PSD: variants seen among roughly 807,000 people sequenced by gnomAD.
PSD encodes PH and SEC7 domain-containing protein 1.
Under a neutral mutation model 91.6 loss-of-function variants are expected in PSD, and 32 were observed. That is an observed-to-expected ratio of 0.35 (90% CI 0.26 to 0.47). PSD has a LOEUF of 0.47. Ranked by LOEUF, PSD falls within the 20% of genes least tolerant of loss-of-function variation. The pLI, the probability that PSD is intolerant of heterozygous loss-of-function variation, is 1.00. For synonymous variants in PSD, 532 were observed against 569.3 expected, an observed-to-expected ratio of 0.93 and a Z score of 0.93; for missense variants, 1,099 against 1,373.9, an observed-to-expected ratio of 0.80 and a Z score of 3.16.
rs1348883108 is a variant in PSD, at chr10:102,405,238, C to T, written c.2342G>A (p.Arg781Gln). 4 of 1,610,824 alleles carry T rather than the reference C, an allele frequency of 2.5e-6. No homozygotes were observed. Among genetic ancestry groups the T allele is most frequent in the Admixed American group, 1.7e-5 (1 of 60,014 alleles). The change falls in exon 13 of 17, where the codon CGG (arginine) becomes CAG (glutamine). Residue 781 changes from arginine to glutamine, a missense_variant. This residue lies in a region of PSD where 358 missense variants were observed against 426.5 expected (regional missense o/e 0.84). Transcript: ENST00000020673. This position sits in a 1 kb window ranked among gnomAD's most constrained non-coding sequence, Gnocchi z 5.4. ...GATCCCGTGGAAGCTCTTCCAGCCC[C>T]GCTTGCCCCGAGGTGCTGCGGGGAG... ...PDCRKTPRGK[R>Q]GWKSFHGILK...
Position 102,403,374 on chromosome 10 carries a change from A to G in PSD, c.2901T>C (p.Ser967=), listed in dbSNP as rs1325589252. ...CTGCCTCCACTGCATCCAGCTCCTC[A>G]CTGCCTGCCTTCAGCTTGACCCGAA... is the stretch of plus-strand genomic sequence containing the variant. The part of the protein sequence containing the change: ...ALLRVKLKAG[S]EELDAVEAAL... The change falls in exon 17 of 17, where the codon AGT becomes AGC. Residue 967 remains serine (S), a synonymous_variant. Transcript: ENST00000020673. The surrounding 1 kb of genome is among the most constrained non-coding windows in gnomAD (Gnocchi z 6.7). 6 of 1,613,836 alleles carry G rather than the reference A, an allele frequency of 3.7e-6. No individual in the cohort carries two copies. Among genetic ancestry groups the G allele is most frequent in the Non-Finnish European group, 5.1e-6 (6 of 1,179,998 alleles).
In PSD at chr10:102,403,038, G is replaced by T; in HGVS notation, c.*162C>A. On this transcript the variant is annotated 3_prime_UTR_variant, in exon 17 of 17. Transcript: ENST00000020673. This position sits in a 1 kb window ranked among gnomAD's most constrained non-coding sequence, Gnocchi z 6.7. ...GGAGGTGCCCCTAGCCTAGGCTCCT[G>T]AGGCCCAGGCCCCAGCCCTGCCCTG... 2.7e-6 allele frequency: 1 copy of T among 365,430 alleles called. No individual in the cohort carries two copies. Among genetic ancestry groups the T allele is most frequent in the Non-Finnish European group, 4.6e-6 (1 of 218,238 alleles). The allele number at this position is 365,430 out of a possible 1,614,324, so 22.6% of individuals were successfully genotyped here.
Position 102,403,403 on chromosome 10 carries a change from G to C in PSD, c.2872C>G (p.Leu958Val), listed in dbSNP as rs1458850612. The C allele has an allele frequency of 6.2e-7, 1 of 1,612,700 alleles. No individual in the cohort carries two copies. The highest frequency in any genetic ancestry group is 2.2e-5 in the East Asian group (1 of 44,840). The change falls in exon 17 of 17, where the codon CTG (leucine) becomes GTG (valine). Residue 958 changes from leucine to valine, a missense_variant. Around this residue, in one of 3 missense-constraint regions of PSD, gnomAD observed 358 missense variants for 426.5 expected, o/e 0.84. Transcript: ENST00000020673. The surrounding 1 kb of genome is among the most constrained non-coding windows in gnomAD (Gnocchi z 6.7). ...CCTGCCTTCAGCTTGACCCGAAGCA[G>C]CGCTGCATAGGTGCTGTAGCGGGAT... The part of the protein sequence containing the change: ...EKSRYSTYAA[L>V]LRVKLKAGSE...
Position 102,416,345 on chromosome 10 carries a change from C to T in PSD, c.654+40G>A. The T allele has an allele frequency of 2.6e-6, 4 of 1,567,192 alleles. No individual in the cohort carries two copies. Among genetic ancestry groups the T allele is most frequent in the Non-Finnish European group, 3.5e-6 (4 of 1,155,538 alleles). On this transcript the variant is annotated intron_variant, in intron 2 of 16. Coordinates refer to ENST00000020673, the MANE Select transcript of PSD (RefSeq NM_002779.5). The surrounding 1 kb of genome is among the most constrained non-coding windows in gnomAD (Gnocchi z 6.0). ...TCTGACAGGAGGCTGAGCCTTGCCC[C>T]TTCACTGGGGGCCCAGGGAGCCCAG... is the stretch of plus-strand genomic sequence containing the variant.
upstream of PSD, chr10:102,419,663 A>G: frequency 6.4e-6 from 1 of 156,826 alleles, no homozygotes; most frequent in South Asian, 1.5e-4. This position sits in a 1 kb window ranked among gnomAD's most constrained non-coding sequence, Gnocchi z 4.8. Flanking sequence ...CACCGCGGGG[A>G]GGGGCGGCGC....
At position 102,414,050 on chromosome 10, in the gene PSD, G is replaced by T. The variant is rs147580653; in HGVS notation, c.1272C>A (p.Ala424=). The part of the protein sequence containing the change: ...RAKGTSYTSL[A]SLEALASPGP... ...CAGGTGAGGCCAAGGCCTCCAGCGA[G>T]GCGAGGCTGGTATAGGAGGTGCCTT... The change falls in exon 5 of 17, where the codon GCC becomes GCA. Residue 424 remains alanine (A), a synonymous_variant. Transcript: ENST00000020673. This position sits in a 1 kb window ranked among gnomAD's most constrained non-coding sequence, Gnocchi z 5.6. The T allele has an allele frequency of 1.2e-5, 20 of 1,614,004 alleles. No homozygotes were observed. The highest frequency in any genetic ancestry group is 3.3e-4 in the Middle Eastern group (2 of 6,084).
At position 102,416,893 on chromosome 10, in the gene PSD, C is replaced by G; in HGVS notation, c.146G>C (p.Arg49Pro). The change falls in exon 2 of 17, where the codon CGA becomes CCA. Residue 49 changes from arginine (R) to proline (P), a missense_variant. By Grantham distance (103) the Arg-to-Pro change is moderately radical (BLOSUM62 -2). Around this residue, in one of 3 missense-constraint regions of PSD, gnomAD observed 631 missense variants for 728.8 expected, o/e 0.87. Transcript: ENST00000020673. The surrounding 1 kb of genome is among the most constrained non-coding windows in gnomAD (Gnocchi z 6.0). ...GCCTCGAGGACCTGGACCTGCCACT[C>G]GCCGTAGCAAGGAGCCTGTGCTGCC... ...MYGSTGSLLR[R>P]VAGPGPRGRE... is the part of the protein sequence containing the mutation. The G allele has an allele frequency of 6.2e-7, 1 of 1,607,256 alleles. No homozygotes were observed. Among genetic ancestry groups the G allele is most frequent in the Non-Finnish European group, 8.5e-7 (1 of 1,177,916 alleles).
intron 3 of PSD, among the ~76,000 whole-genome samples, chr10:102,415,686 T>C (rs2061470869): frequency 1.3e-5 from 2 of 152,204 alleles, no homozygotes; most frequent in South Asian, 2.1e-4. Flanking sequence ...GGTCTTGGAC[T>C]CCTGGCTTTG....
At chr10:102,406,149 A>C in intron 11 of PSD, 1 of 152,010 alleles carries the variant, frequency 6.6e-6, no homozygotes, top group Non-Finnish European at 1.5e-5. Context: ...CCCACCCCAT[A>C]CTCATTTCAG....
chr10:102,416,198 A>G lies in PSD; in HGVS notation c.655-79T>C, dbSNP rs116752175. 671 of 1,270,038 alleles carry G rather than the reference A, an allele frequency of 5.3e-4. 1 individual carries two copies. The highest frequency in any genetic ancestry group is 4.8e-3 in the African/African-American group (322 of 67,218). The allele number at this position is 1,270,038 out of a possible 1,614,324, so 78.7% of individuals were successfully genotyped here. On this transcript the variant is annotated intron_variant, in intron 2 of 16. Transcript: ENST00000020673. This position sits in a 1 kb window ranked among gnomAD's most constrained non-coding sequence, Gnocchi z 6.0. ...ACACAAGAATATGGGACAGAAACAG[A>G]AATTAAAACATGCATCGACAGAGAT... is the stretch of plus-strand genomic sequence containing the variant.
Position 102,403,274 on chromosome 10 carries a change from A to C in PSD, c.3001T>G (p.Ser1001Ala). 6.2e-7 allele frequency: 1 copy of C among 1,612,300 alleles called. No homozygotes were observed. The highest frequency in any genetic ancestry group is 8.5e-7 in the Non-Finnish European group (1 of 1,178,978). Residue 1001 changes from serine to alanine, a missense_variant, in exon 17 of 17, where the codon TCC becomes GCC. Around this residue, in one of 3 missense-constraint regions of PSD, gnomAD observed 358 missense variants for 426.5 expected, o/e 0.84. Transcript: ENST00000020673. The surrounding 1 kb of genome is among the most constrained non-coding windows in gnomAD (Gnocchi z 6.7). ...HSSPSLQPKP[S>A]SQPRAQRHSS... The stretch of plus-strand genomic sequence containing the variant: ...TGACGCTGAGCCCGGGGCTGGCTGG[A>C]GGGTTTGGGCTGCAGGGAGGGACTG...
In PSD at chr10:102,403,919, C is replaced by T; in HGVS notation, c.2767G>A (p.Ala923Thr). 6.3e-7 allele frequency: 1 copy of T among 1,593,242 alleles called. No individual in the cohort carries two copies. Among genetic ancestry groups the T allele is most frequent in the Non-Finnish European group, 8.5e-7 (1 of 1,169,854 alleles). ...AMASELREHR[A>T]AQLGKKGRGK... ...CGGCCCTTCTTGCCCAGCTGGGCGG[C>T]CCGGTGCTCCCGCAGCTCACTTGCC... Residue 923 changes from alanine (A) to threonine (T), a missense_variant, in exon 16 of 17, where the codon GCC (alanine) becomes ACC (threonine). Ala to Thr is a moderately conservative substitution (Grantham distance 58). This residue lies in a region of PSD where 358 missense variants were observed against 426.5 expected (regional missense o/e 0.84). Coordinates refer to ENST00000020673, the MANE Select transcript of PSD (RefSeq NM_002779.5). The surrounding 1 kb of genome is among the most constrained non-coding windows in gnomAD (Gnocchi z 6.7).
rs558666763 is a variant in PSD at position 102,403,068 on chromosome 10, G to A, written c.*132C>T. ...CCAGGCCCCAGCCCTGCCCTGCCCCGGACACCGCGTCCGGCGCGGTCGGGC... is the reference window on the plus strand; with the variant it reads ...CCAGGCCCCAGCCCTGCCCTGCCCCAGACACCGCGTCCGGCGCGGTCGGGC... On this transcript the variant is annotated 3_prime_UTR_variant, in exon 17 of 17. Transcript: ENST00000020673. This position sits in a 1 kb window ranked among gnomAD's most constrained non-coding sequence, Gnocchi z 6.7. The A allele has an allele frequency of 8.4e-5, 46 of 547,376 alleles. No individual in the cohort carries two copies. Among genetic ancestry groups the A allele is most frequent in the African/African-American group, 6.0e-4 (28 of 46,706 alleles). 33.9% of individuals were successfully genotyped at this position (547,376 alleles called of 1,614,324 possible).
intron 8 of PSD, among the ~76,000 whole-genome samples, chr10:102,411,394 C>A (rs1211584838): frequency 6.6e-6 from 1 of 152,132 alleles, no homozygotes; most frequent in South Asian, 2.1e-4. Context: ...GAAAGTGAAC[C>A]GCAGCACAGT....
chr10:102,418,785 T>C lies in PSD; in HGVS notation c.-168A>G, dbSNP rs1385570317. 1 of 454,946 alleles carries C rather than the reference T, an allele frequency of 2.2e-6. No individual in the cohort carries two copies. The highest frequency in any genetic ancestry group is 2.4e-5 in the Admixed American group (1 of 42,494). 28.2% of individuals were successfully genotyped at this position (454,946 alleles called of 1,614,324 possible). A position where few individuals can be genotyped will look rare whatever the true frequency, so the allele number is the denominator to read the frequency against. ...CTGTGAAGGCAGCGCGGCTCCCGTTTGCTCCAGGCCCGCCCGCCTCTCAGT... is the reference window on the plus strand; with the variant it reads ...CTGTGAAGGCAGCGCGGCTCCCGTTCGCTCCAGGCCCGCCCGCCTCTCAGT... On this transcript the variant is annotated 5_prime_UTR_variant, in exon 1 of 17. Coordinates refer to ENST00000020673, the MANE Select transcript of PSD (RefSeq NM_002779.5).
intron 5 of PSD, 51 bp from the exon 6 acceptor site, chr10:102,412,626 T>C: frequency 2.7e-6 from 4 of 1,501,986 alleles, no homozygotes; most frequent in South Asian, 1.2e-5. Context: ...TTAGGAGCCA[T>C]CCAGACCCTC....
upstream of PSD, chr10:102,419,718 C>G (rs560802662): frequency 6.1e-6 from 1 of 162,988 alleles, no homozygotes; most frequent in Non-Finnish European, 1.4e-5. This position sits in a 1 kb window ranked among gnomAD's most constrained non-coding sequence, Gnocchi z 4.8. Flanking sequence ...ATTTGTCGCA[C>G]TGCGCAGGCG....
chr10:102,416,129 C>T lies in PSD; in HGVS notation c.655-10G>A, dbSNP rs773587512. The T allele has an allele frequency of 2.9e-5, 46 of 1,598,134 alleles. No individual in the cohort carries two copies. The highest frequency in any genetic ancestry group is 3.4e-5 in the Non-Finnish European group (40 of 1,167,330). On this transcript the variant is annotated splice_polypyrimidine_tract_variant and intron_variant, in intron 2 of 16. Coordinates refer to ENST00000020673, the MANE Select transcript of PSD (RefSeq NM_002779.5). This position sits in a 1 kb window ranked among gnomAD's most constrained non-coding sequence, Gnocchi z 6.0. ...AGGACCAGGTATCCCCCTGAGCCAACGAGGGAGACACAGGCACCCAGAGAT... is the reference window on the plus strand; with the variant it reads ...AGGACCAGGTATCCCCCTGAGCCAATGAGGGAGACACAGGCACCCAGAGAT...
At position 102,404,673 on chromosome 10, in the gene PSD, C is replaced by G. The variant is rs765160540; in HGVS notation, c.2610G>C (p.Met870Ile). ...CAGCTGGGAAGGGGGGCGCAGAGAA[C>G]ATAGCGGCTACTACATTGATGCGAG... The part of the protein sequence containing the change: ...WITRINVVAA[M>I]FSAPPFPAAV... Residue 870 changes from methionine (M) to isoleucine (I), a missense_variant, in exon 15 of 17, where the codon ATG becomes ATC. Physicochemically the swap from Met to Ile is conservative, Grantham distance 10. This residue lies in a region of PSD where 358 missense variants were observed against 426.5 expected (regional missense o/e 0.84). Transcript: ENST00000020673. The surrounding 1 kb of genome is among the most constrained non-coding windows in gnomAD (Gnocchi z 5.7). 8 of 1,609,354 alleles carry G rather than the reference C, an allele frequency of 5.0e-6. No homozygotes were observed. Among genetic ancestry groups the G allele is most frequent in the Admixed American group, 1.7e-5 (1 of 59,536 alleles).
Sources: allele counts gnomAD v4.1 joint callset (sites outside exome capture counted in the v4.1 genomes callset), GRCh38; gene constraint gnomAD v4.1.1; regional missense constraint gnomAD v4.1.1; non-coding constraint Gnocchi (gnomAD v3.1); transcripts MANE v1.5; gene names NCBI Gene and HGNC (gene_info 2026-07-23, HGNC 2026-07-21).